LCA5: variants seen among roughly 807,000 people sequenced by gnomAD.
LCA5 encodes the protein lebercilin.
Under a neutral mutation model 53.0 loss-of-function variants are expected in LCA5, and 37 were observed. The ratio of observed to expected loss-of-function variants is 0.70; its 90% CI spans 0.54 to 0.92. LCA5 has a LOEUF of 0.92. LCA5 is among the 40% of genes least tolerant of loss of function. The pLI, the probability that LCA5 is intolerant of heterozygous loss-of-function variation, is 0.00. For synonymous variants in LCA5, 303 were observed against 282.9 expected (o/e 1.07, Z -0.71); for missense variants, 806 against 790.5 (o/e 1.02, Z -0.23).
chr6:79,530,424 G>A (rs1312219801), intron 1 of LCA5, among the ~76,000 whole-genome samples: 2 of 151,938 alleles, frequency 1.3e-5, no homozygotes, highest in Admixed American at 6.6e-5. Flanking sequence ...TTAATACCTG[G>A]GTGATGAAAT....
intron 1 of LCA5, among the ~76,000 whole-genome samples, chr6:79,521,367 G>A (rs967589859): frequency 2.6e-5 from 4 of 152,148 alleles, no homozygotes; most frequent in Admixed American, 2.6e-4. Flanking sequence ...CAGTTCGAAT[G>A]ACTTTAAAAC....
chr6:79,515,719 T>G (rs1011451083), intron 2 of LCA5, among the ~76,000 whole-genome samples: 4 of 152,118 alleles, frequency 2.6e-5, no homozygotes, highest in Admixed American at 6.6e-5. Flanking sequence ...TTCCATTATG[T>G]AAACAAGTAA....
chr6:79,527,836 G>A (rs562892813), intron 1 of LCA5, among the ~76,000 whole-genome samples: 13 of 152,226 alleles, frequency 8.5e-5, no homozygotes, highest in South Asian at 6.2e-4. Flanking sequence ...AGGGCAATTC[G>A]TTCTCAAAAA....
At position 79,487,169 on chromosome 6, in the gene LCA5, A is replaced by G. The variant is rs1312601591; in HGVS notation, c.1929T>C (p.Asn643=). ...CATGTTCTTGATCTCTGCTGCCTTT[A>G]TTCCCAGGGAGAAAATTTAGAGGGT... ...DIDPLNFLPG[N]KGSRDQEHDE... is the part of the protein sequence containing the mutation. Residue 643 remains asparagine, a synonymous_variant, in exon 8 of 8, where the codon AAT becomes AAC. Transcript: ENST00000369846. The G allele has an allele frequency of 6.2e-7, 1 of 1,613,996 alleles. No individual in the cohort carries two copies. Among genetic ancestry groups the G allele is most frequent in the South Asian group, 1.1e-5 (1 of 91,074 alleles).
chr6:79,513,409 A>G lies in LCA5; in HGVS notation c.523T>C (p.Leu175=). 2 of 1,613,750 alleles carry G rather than the reference A, an allele frequency of 1.2e-6. No individual in the cohort carries two copies. Among genetic ancestry groups the G allele is most frequent in the African/African-American group, 1.3e-5 (1 of 74,954 alleles). ...CGTTCTTTCTCTTGAGATTTTCTTA[A>G]GCGTTCTTTGAGTGCTGTAATCTCA... ...NNEITALKER[L]RKSQEKERAT... The change falls in exon 3 of 8, where the codon TTA becomes CTA. Residue 175 remains leucine, a synonymous_variant. Transcript: ENST00000369846.
At chr6:79,525,857 C>T (rs1766770672) in intron 1 of LCA5, among the ~76,000 whole-genome samples, 2 of 152,256 alleles carry the variant, frequency 1.3e-5, no homozygotes, top group South Asian at 2.1e-4. Flanking sequence ...GCCAAGATAA[C>T]GGTGGACAGT....
At chr6:79,532,795 A>T (rs9352745) in intron 1 of LCA5, among the ~76,000 whole-genome samples, 1 of 151,852 alleles carries the variant, frequency 6.6e-6, no homozygotes, top group African/African-American at 2.4e-5. Context: ...TGTCTTACTT[A>T]TCCTAGTAAA....
At chr6:79,497,080 G>A (rs1770001024) in intron 3 of LCA5, among the ~76,000 whole-genome samples, 1 of 151,868 alleles carries the variant, frequency 6.6e-6, no homozygotes, top group South Asian at 2.1e-4. Context: ...GACAAAATGA[G>A]GAAAAAGCAA....
chr6:79,487,021 CTTCAAT>C lies in LCA5; in HGVS notation c.2071_2076del (p.Ile691_Glu692del), dbSNP rs1562092385. The C allele has an allele frequency of 1.2e-6, 2 of 1,613,282 alleles. No individual in the cohort carries two copies. Among genetic ancestry groups the C allele is most frequent in the South Asian group, 2.2e-5 (2 of 91,048 alleles). ...CTAGTCAGTCATCTCAGTGCTACTTCTTCAATTTCATCTTCTACAGAATCAGCTGCT... is the reference window on the plus strand; with the variant it reads ...CTAGTCAGTCATCTCAGTGCTACTTCTTCATCTTCTACAGAATCAGCTGCT... On this transcript the variant is annotated inframe_deletion, in exon 8 of 8. Transcript: ENST00000369846.
intron 1 of LCA5, among the ~76,000 whole-genome samples, chr6:79,520,281 T>C (rs966551707): frequency 1.3e-5 from 2 of 152,126 alleles, no homozygotes; most frequent in African/African-American, 4.8e-5. Flanking sequence ...AAAGTCTGTA[T>C]TTAAGGAAAA....
At chr6:79,537,951 T>C (rs1220745641), upstream of LCA5, among the ~76,000 whole-genome samples, 1 of 150,498 alleles carries the variant, frequency 6.6e-6, no homozygotes, top group Non-Finnish European at 1.5e-5. Flanking sequence ...TGAGTTTGGC[T>C]TGAAAGTGAT....
chr6:79,514,511 G>T (rs1223291750), intron 2 of LCA5, among the ~76,000 whole-genome samples: 1 of 152,032 alleles, frequency 6.6e-6, no homozygotes, highest in Non-Finnish European at 1.5e-5. Flanking sequence ...CCATTACTGG[G>T]TATATACCCA....
intron 7 of LCA5, 131 bp downstream of exon 7, chr6:79,488,953 C>T (rs938558557): frequency 2.3e-5 from 23 of 1,016,446 alleles, no homozygotes; most frequent in Non-Finnish European, 3.2e-5. Context: ...CCATCCCCTA[C>T]CACTGTATCC....
intron 3 of LCA5, among the ~76,000 whole-genome samples, chr6:79,498,793 A>C (rs1230691250): frequency 6.6e-6 from 1 of 152,096 alleles, no homozygotes; most frequent in Non-Finnish European, 1.5e-5. Context: ...ACAAACTCCC[A>C]AATGAGGAAT....
At chr6:79,521,356 C>G (rs1034876358) in intron 1 of LCA5, among the ~76,000 whole-genome samples, 1 of 152,110 alleles carries the variant, frequency 6.6e-6, no homozygotes, top group African/African-American at 2.4e-5. Flanking sequence ...CACAAATTAA[C>G]CAGTTCGAAT....
chr6:79,500,913 C>T (rs1411667657), intron 3 of LCA5, among the ~76,000 whole-genome samples: 1 of 150,240 alleles, frequency 6.7e-6, no homozygotes, highest in Non-Finnish European at 1.5e-5. Context: ...TCCTGTTTGC[C>T]TCCATATGTC....
chr6:79,502,800 A>C lies in LCA5; in HGVS notation c.721-9050T>G, dbSNP rs59620363. On this transcript the variant is annotated intron_variant, in intron 3 of 7. Transcript: ENST00000369846. ...GATTTTACTAAAATGGTAACAAATT[A>C]ATAGAGCAACAGAAGACAGATTACT... Among the ~76,000 whole-genome samples the C allele has an allele frequency of 2.4e-3, 360 of 152,286 alleles. 2 individuals are homozygous for C. The highest frequency in any genetic ancestry group is 8.3e-3 in the African/African-American group (347 of 41,566).
At position 79,518,993 on chromosome 6, in the gene LCA5, C is replaced by T. The variant is rs1269115841; in HGVS notation, c.-99G>A. On this transcript the variant is annotated 5_prime_UTR_variant, in exon 2 of 8. Transcript: ENST00000369846. The stretch of plus-strand genomic sequence containing the variant: ...AAAACATTTTCACAGTCTTCAGATC[C>T]TGATAATATTCATTTCTGTGCAATC... 9.1e-7 allele frequency: 1 copy of T among 1,096,268 alleles called. No homozygotes were observed. Among genetic ancestry groups the T allele is most frequent in the African/African-American group, 1.5e-5 (1 of 64,888 alleles). 67.9% of individuals were successfully genotyped at this position (1,096,268 alleles called of 1,614,324 possible). A position where few individuals can be genotyped will look rare whatever the true frequency, so the allele number is the denominator to read the frequency against.
At position 79,486,460 on chromosome 6, in the gene LCA5, T is replaced by A. The variant is rs1191685902; in HGVS notation, c.*544A>T. On this transcript the variant is annotated 3_prime_UTR_variant, in exon 8 of 8. Transcript: ENST00000369846. ...TGGGTACTTTCAGAGGAATGGGAAA[T>A]CCCAATGTTGTGACTGCTATCACTC... The A allele has an allele frequency of 6.6e-6, 1 of 152,448 alleles. No homozygotes were observed. The highest frequency in any genetic ancestry group is 1.5e-5 in the Non-Finnish European group (1 of 68,302). The allele number at this position is 152,448 out of a possible 1,614,324, so 9.4% of individuals were successfully genotyped here.
Sources: allele counts gnomAD v4.1 joint callset (sites outside exome capture counted in the v4.1 genomes callset), GRCh38; gene constraint gnomAD v4.1.1; transcripts MANE v1.5; gene names NCBI Gene and HGNC (gene_info 2026-07-23, HGNC 2026-07-21).